SLC35A1: variants seen among roughly 807,000 people sequenced by gnomAD.
The protein encoded by SLC35A1 is solute carrier family 35 member A1, also known as CMP-sialic acid transporter.
In SLC35A1, 21 loss-of-function variants were observed where a neutral mutation model predicts 40.3. The ratio of observed to expected loss-of-function variants is 0.52; its 90% confidence interval spans 0.37 to 0.75. SLC35A1 has a LOEUF of 0.75. SLC35A1 is among the 30% of genes least tolerant of loss of function. The pLI is 0.00. For missense variants in SLC35A1, 297 were observed against 382.1 expected (o/e 0.78, Z 1.86); for synonymous variants, 146 against 147.3 (o/e 0.99, Z 0.06).
At chr6:87,483,384 G>C (rs1727287773) in intron 2 of SLC35A1, among the ~76,000 whole-genome samples, 2 of 152,080 alleles carry the variant, frequency 1.3e-5, no homozygotes, top group Admixed American at 1.3e-4. Flanking sequence ...CGAAAGGGGA[G>C]TTCTGAATAT....
chr6:87,506,018 T>C (rs1770070572), intron 4 of SLC35A1, among the ~76,000 whole-genome samples: 1 of 152,154 alleles, frequency 6.6e-6, no homozygotes, highest in Non-Finnish European at 1.5e-5. Flanking sequence ...ATTTTCAGGA[T>C]TGATGCTATA....
At chr6:87,503,081 T>G (rs1482563261) in intron 4 of SLC35A1, among the ~76,000 whole-genome samples, 2 of 152,220 alleles carry the variant, frequency 1.3e-5, no homozygotes, top group Non-Finnish European at 2.9e-5. Flanking sequence ...AAATATGCCT[T>G]CTGGGTCTTT....
chr6:87,508,140 A>G (rs901109144), intron 5 of SLC35A1, among the ~76,000 whole-genome samples: 12 of 152,176 alleles, frequency 7.9e-5, no homozygotes, highest in African/African-American at 2.2e-4. Context: ...TACTGCTCTA[A>G]TAAAGGCAGA....
intron 2 of SLC35A1, among the ~76,000 whole-genome samples, chr6:87,478,912 C>T (rs1042361672): frequency 3.9e-5 from 6 of 152,268 alleles, no homozygotes; most frequent in South Asian, 4.1e-4. Context: ...TCCTTATGCA[C>T]GTGGCCTCTA....
chr6:87,509,908 C>CA (rs1455299915), intron 7 of SLC35A1, among the ~76,000 whole-genome samples: 1 of 151,894 alleles, frequency 6.6e-6, no homozygotes, highest in Non-Finnish European at 1.5e-5. Flanking sequence ...TAATATAAAC[C>CA]AATGTATGAA....
At chr6:87,493,173 T>C (rs753240950) in intron 2 of SLC35A1, among the ~76,000 whole-genome samples, 1 of 152,216 alleles carries the variant, frequency 6.6e-6, no homozygotes, top group East Asian at 1.9e-4. Context: ...AATCCATTAT[T>C]ATCATTATTT....
chr6:87,495,026 G>C (rs1769677570), intron 2 of SLC35A1, among the ~76,000 whole-genome samples: 1 of 152,106 alleles, frequency 6.6e-6, no homozygotes, highest in Non-Finnish European at 1.5e-5. Context: ...CTGGAGTGCA[G>C]TAGCGTGATC....
intron 2 of SLC35A1, among the ~76,000 whole-genome samples, chr6:87,477,997 T>G (rs1769124453): frequency 6.6e-6 from 1 of 152,244 alleles, no homozygotes; most frequent in Admixed American, 6.5e-5. Context: ...ATAATAATAA[T>G]AACATTTCTT....
intron 2 of SLC35A1, among the ~76,000 whole-genome samples, chr6:87,493,852 T>C (rs1303142093): frequency 7.3e-6 from 1 of 137,262 alleles, no homozygotes; most frequent in Non-Finnish European, 1.6e-5. Flanking sequence ...AACTTGAGAT[T>C]CCCCCATCCT....
rs776979090 is a variant in SLC35A1 at position 87,473,012 on chromosome 6, C to T, written c.9C>T (p.Ala3=). MA[A]PRDNVTLLFK... ...GGGGCTGTCGGGGAACCATGGCTGC[C>T]CCGAGAGGTGAGAACTGGGTCTGCT... The change falls in exon 1 of 8, where the codon GCC becomes GCT. Residue 3 remains alanine (A), a synonymous_variant. Transcript: ENST00000369552. 1.5e-6 allele frequency: 1 copy of T among 681,116 alleles called. No individual in the cohort carries two copies. Among genetic ancestry groups the T allele is most frequent in the South Asian group, 2.8e-5 (1 of 35,400 alleles). The allele number at this position is 681,116 out of a possible 1,614,324, so 42.2% of individuals were successfully genotyped here. A position where few individuals can be genotyped will look rare whatever the true frequency, so the allele number is the denominator to read the frequency against.
chr6:87,481,018 C>G (rs1429250458), intron 2 of SLC35A1, among the ~76,000 whole-genome samples: 2 of 152,048 alleles, frequency 1.3e-5, no homozygotes, highest in Admixed American at 1.3e-4. Context: ...ACCAGAAATT[C>G]TAGGGGTGGT....
chr6:87,484,771 A>T (rs1306675411), intron 2 of SLC35A1, among the ~76,000 whole-genome samples: 1 of 152,176 alleles, frequency 6.6e-6, no homozygotes, highest in African/African-American at 2.4e-5. Context: ...TAATCGGAAA[A>T]GGTGCTTTAC....
At chr6:87,481,894 G>T (rs953291600) in intron 2 of SLC35A1, among the ~76,000 whole-genome samples, 3 of 152,088 alleles carry the variant, frequency 2.0e-5, no homozygotes, top group Non-Finnish European at 4.4e-5. Context: ...TTTAAAACTT[G>T]CTTAAACGCT....
intron 2 of SLC35A1, among the ~76,000 whole-genome samples, chr6:87,499,705 A>G (rs914466883): frequency 1.2e-4 from 18 of 152,236 alleles, no homozygotes; most frequent in African/African-American, 3.6e-4. Flanking sequence ...ATTATCTACT[A>G]TATTTCATAA....
At chr6:87,491,757 A>G (rs546802657) in intron 2 of SLC35A1, among the ~76,000 whole-genome samples, 262 of 152,210 alleles carry the variant, frequency 1.7e-3, no homozygotes, top group African/African-American at 6.1e-3. Context: ...CCCTCTTCCT[A>G]GTTTGCCGAC....
At chr6:87,474,360 G>A (rs1769008211) in intron 1 of SLC35A1, among the ~76,000 whole-genome samples, 1 of 152,196 alleles carries the variant, frequency 6.6e-6, no homozygotes, top group Non-Finnish European at 1.5e-5. Context: ...ATAAACTATA[G>A]TAAAACATAA....
chr6:87,484,351 T>C (rs1769332810), intron 2 of SLC35A1, among the ~76,000 whole-genome samples: 1 of 152,182 alleles, frequency 6.6e-6, no homozygotes, highest in Non-Finnish European at 1.5e-5. Flanking sequence ...GAAATAGCAC[T>C]CGAATATAAA....
In SLC35A1 at chr6:87,506,361, CTT is replaced by C. The variant is rs767404271; in HGVS notation, c.508-19_508-18del. 42 of 1,597,950 alleles carry C rather than the reference CTT, an allele frequency of 2.6e-5. No homozygotes were observed. The highest frequency in any genetic ancestry group is 1.3e-4 in the East Asian group (6 of 44,720). ...TCTGTTTATTAGTCACTAAAAATAA[CTT>C]TAACAATTAATATTGCAGGTGGAAC... is the stretch of plus-strand genomic sequence containing the variant. On this transcript the variant is annotated intron_variant, in intron 4 of 7. Coordinates refer to ENST00000369552, the MANE Select transcript of SLC35A1 (RefSeq NM_006416.5).
In SLC35A1 at chr6:87,506,151, C is replaced by T. The variant is rs35234062; in HGVS notation, c.508-231C>T. Among the ~76,000 whole-genome samples the T allele has an allele frequency of 0.036, 5,542 of 152,280 alleles. 120 individuals are homozygous for T. Among genetic ancestry groups the T allele is most frequent in the Middle Eastern group, 0.054 (16 of 294 alleles). ...AACAGTGGGCACATATTATATTAAG[C>T]ATATACTATGGCTGTGATTTGAGGG... On this transcript the variant is annotated intron_variant, in intron 4 of 7. Transcript: ENST00000369552.
Sources: gnomAD v4.1 joint callset for allele counts (sites outside exome capture counted in the v4.1 genomes callset) on GRCh38, gnomAD v4.1.1 for gene constraint, MANE v1.5 for transcripts, NCBI Gene and HGNC (gene_info 2026-07-23, HGNC 2026-07-21) for gene names.